Variants in HACL2 observed in about 807,000 individuals in gnomAD.
HACL2 encodes 2-hydroxyacyl-CoA lyase 2, also known as 2-hydroxyacyl-CoA lyase 1 like.
the HACL2 span, chr19:15,118,152 T>C: frequency 2.8e-6 from 3 of 1,085,624 alleles, no homozygotes; most frequent in Non-Finnish European, 4.0e-6. Context: ...TACAGTGACC[T>C]TGCAGCTCCC....
At chr19:15,124,803 G>T in the HACL2 span, 1 of 1,306,754 alleles carries the variant, frequency 7.7e-7, no homozygotes, top group Non-Finnish European at 1.0e-6. Flanking sequence ...CCTCTTACCA[G>T]TCCCTCTGGA....
chr19:15,122,921 G>A, the HACL2 span: 22,933 of 1,607,860 alleles, frequency 0.014, 510 homozygotes, highest in East Asian at 0.11. The surrounding 1 kb of genome is among the most constrained non-coding windows in gnomAD (Gnocchi z 4.0). Flanking sequence ...GGCAGCCATC[G>A]CGGCCCTCAG....
the HACL2 span, among the ~76,000 whole-genome samples, chr19:15,120,736 TCTG>T: frequency 6.6e-6 from 1 of 152,150 alleles, no homozygotes; most frequent in Non-Finnish European, 1.5e-5. Context: ...GTCAGAAGCC[TCTG>T]CTTTCACCGT....
the HACL2 span, among the ~76,000 whole-genome samples, chr19:15,121,315 C>T: frequency 9.2e-5 from 14 of 152,260 alleles, no homozygotes; most frequent in East Asian, 1.2e-3. Flanking sequence ...GACCCTCAGG[C>T]GCTTCACACA....
the HACL2 span, chr19:15,123,451 T>C: frequency 7.4e-6 from 12 of 1,614,108 alleles, no homozygotes; most frequent in Non-Finnish European, 1.0e-5. The surrounding 1 kb of genome is among the most constrained non-coding windows in gnomAD (Gnocchi z 5.1). Context: ...GGATGCCCAG[T>C]TTCTCACAGG....
chr19:15,124,633 C>A, the HACL2 span: 132 of 450,640 alleles, frequency 2.9e-4, no homozygotes, highest in Non-Finnish European at 7.5e-5. Flanking sequence ...TTAGGGAGCA[C>A]AGAGTGCTGT....
At chr19:15,116,170 G>A in the HACL2 span, 11 of 1,612,384 alleles carry the variant, frequency 6.8e-6, no homozygotes, top group Non-Finnish European at 9.3e-6. Flanking sequence ...AGCCAGCGCA[G>A]GGGGCCGCGG....
chr19:15,122,070 T>A, the HACL2 span, among the ~76,000 whole-genome samples: 1 of 151,348 alleles, frequency 6.6e-6, no homozygotes, highest in Non-Finnish European at 1.5e-5. The surrounding 1 kb of genome is among the most constrained non-coding windows in gnomAD (Gnocchi z 4.0). Flanking sequence ...GCTAATTTTT[T>A]TTTTTTTTGT....
the HACL2 span, chr19:15,125,108 A>G: frequency 1.4e-6 from 2 of 1,480,162 alleles, no homozygotes; most frequent in Non-Finnish European, 1.8e-6. Context: ...TGGGCGCGAC[A>G]GGGAACCTCT....
the HACL2 span, chr19:15,116,124 A>C: frequency 5.6e-5 from 91 of 1,613,138 alleles, no homozygotes; most frequent in Middle Eastern, 3.3e-4. Context: ...GATGGTGCCC[A>C]CTGCCCCAGG....
the HACL2 span, among the ~76,000 whole-genome samples, chr19:15,118,507 C>T: frequency 6.6e-5 from 10 of 152,084 alleles, no homozygotes; most frequent in African/African-American, 2.2e-4. Flanking sequence ...TGTGTAGTTG[C>T]CCTAGTCCAC....
At chr19:15,116,082 C>A in the HACL2 span, 3 of 1,613,630 alleles carry the variant, frequency 1.9e-6, no homozygotes, top group Non-Finnish European at 1.7e-6. Context: ...CTAAGAGGAC[C>A]AAGAGCAGGT....
chr19:15,115,506 C>T, the HACL2 span: 1 of 1,601,742 alleles, frequency 6.2e-7, no homozygotes, highest in Non-Finnish European at 8.5e-7. Context: ...GAGAGGAACA[C>T]AAGCCCAGCT....
chr19:15,118,317 G>C, the HACL2 span, among the ~76,000 whole-genome samples: 1 of 152,314 alleles, frequency 6.6e-6, no homozygotes, highest in South Asian at 2.1e-4. Context: ...GAGAGGTGCA[G>C]CCTAGGTCCC....
the HACL2 span, chr19:15,122,765 G>C: frequency 1.9e-6 from 3 of 1,614,104 alleles, no homozygotes; most frequent in East Asian, 6.7e-5. The surrounding 1 kb of genome is among the most constrained non-coding windows in gnomAD (Gnocchi z 4.0). Flanking sequence ...CATGAAGTAG[G>C]GGTACAGCAC....
the HACL2 span, among the ~76,000 whole-genome samples, chr19:15,122,160 C>T: frequency 6.6e-6 from 1 of 151,548 alleles, no homozygotes; most frequent in Non-Finnish European, 1.5e-5. This position sits in a 1 kb window ranked among gnomAD's most constrained non-coding sequence, Gnocchi z 4.0. Context: ...CCACCTCGGC[C>T]TCCCAATGTG....
the HACL2 span, chr19:15,119,236 G>A: frequency 6.2e-7 from 1 of 1,609,484 alleles, no homozygotes; most frequent in South Asian, 1.1e-5. Flanking sequence ...GGGGGTGGTT[G>A]CGGCCTAACA....
At chr19:15,115,877 G>A in the HACL2 span, 8 of 1,613,962 alleles carry the variant, frequency 5.0e-6, no homozygotes, top group East Asian at 4.5e-5. Context: ...TATCAAATTC[G>A]ATGAGGCTGT....
chr19:15,116,361 G>T, the HACL2 span: 1 of 1,613,816 alleles, frequency 6.2e-7, no homozygotes, highest in Non-Finnish European at 8.5e-7. Context: ...TTGGCAGCAG[G>T]GTCTGCCGGG....
Sources: gnomAD v4.1 joint callset for allele counts (sites outside exome capture counted in the v4.1 genomes callset) on GRCh38, gnomAD v4.1.1 for gene constraint, Gnocchi (gnomAD v3.1) non-coding constraint, MANE v1.5 for transcripts, NCBI Gene and HGNC (gene_info 2026-07-23, HGNC 2026-07-21) for gene names.